Variants in EPM2A observed in about 807,000 individuals in gnomAD.
EPM2A encodes EPM2A glucan phosphatase, laforin, also known as laforin.
A neutral mutation model predicts 26.5 loss-of-function variants in EPM2A; 21 were observed. The ratio of observed to expected loss-of-function variants is 0.79; its 90% CI spans 0.56 to 1.14. The LOEUF (loss-of-function observed/expected upper bound fraction) is 1.14. Ranked by LOEUF, EPM2A falls within the 50% of genes most tolerant of loss-of-function variation. The probability of loss-of-function intolerance (pLI) is 0.00; values close to 1 mark genes in which losing one functional copy is unlikely to be tolerated. For synonymous variants in EPM2A, 217 were observed against 177.6 expected (o/e 1.22, Z -1.76); for missense variants, 458 against 440.8 (o/e 1.04, Z -0.35).
At chr6:145,559,106 A>T (rs978103515) in intron 2 of EPM2A, among the ~76,000 whole-genome samples, 2 of 152,142 alleles carry the variant, frequency 1.3e-5, no homozygotes, top group African/African-American at 4.8e-5. Context: ...TTTAGTAAAA[A>T]GAGATCATCA....
intron 2 of EPM2A, among the ~76,000 whole-genome samples, chr6:145,580,755 A>T (rs74976662): frequency 2.0e-5 from 3 of 152,100 alleles, no homozygotes; most frequent in Non-Finnish European, 4.4e-5. Context: ...CCACTTATAA[A>T]TGAGAACATG....
chr6:145,735,770 G>A, upstream of EPM2A: 6 of 339,032 alleles, frequency 1.8e-5, no homozygotes, highest in Non-Finnish European at 2.6e-5. Flanking sequence ...TGTGGGCGCT[G>A]GGGACACGCG....
intron 2 of EPM2A, among the ~76,000 whole-genome samples, chr6:145,574,020 T>C (rs1780995730): frequency 6.6e-6 from 1 of 152,182 alleles, no homozygotes; most frequent in Non-Finnish European, 1.5e-5. Flanking sequence ...GCTGGAAGTC[T>C]CCTTGGGGAA....
At chr6:145,615,703 G>A (rs1382125528) in intron 2 of EPM2A, among the ~76,000 whole-genome samples, 1 of 152,016 alleles carries the variant, frequency 6.6e-6, no homozygotes, top group Non-Finnish European at 1.5e-5. Context: ...CCAAGCTGAG[G>A]TGGTCTCACA....
intron 4 of EPM2A, among the ~76,000 whole-genome samples, chr6:145,420,964 C>A (rs944379090): frequency 6.6e-6 from 1 of 152,012 alleles, no homozygotes; most frequent in Non-Finnish European, 1.5e-5. Context: ...GAGAGCAGAG[C>A]CTTTGGGACC....
intron 4 of EPM2A, among the ~76,000 whole-genome samples, chr6:145,454,310 C>A (rs143526105): frequency 1.8e-3 from 268 of 152,176 alleles, no homozygotes; most frequent in African/African-American, 5.8e-3. Flanking sequence ...TTCATGAAAT[C>A]AATAAATTTT....
chr6:145,642,231 G>GTTAATGTTGTTTCCAATGCTGAGCAA (rs1777138284), intron 2 of EPM2A, among the ~76,000 whole-genome samples: 1 of 152,096 alleles, frequency 6.6e-6, no homozygotes, highest in African/African-American at 2.4e-5. Context: ...CTATTGGTTT[G>GTTAATGTTGTTTCCAATGCTGAGCAA]TTAATGTTGT....
chr6:145,541,795 T>C (rs1299448496), intron 2 of EPM2A, among the ~76,000 whole-genome samples: 2 of 152,138 alleles, frequency 1.3e-5, no homozygotes, highest in Non-Finnish European at 2.9e-5. Flanking sequence ...TATGAAAAAT[T>C]CTTGTGCACA....
intron 4 of EPM2A, among the ~76,000 whole-genome samples, chr6:145,405,327 C>T (rs6903361): frequency 0.92 from 140,484 of 152,142 alleles, 64,983 homozygotes; most frequent in East Asian, 1. Context: ...AACTAGTCTT[C>T]TTCCTGAACT....
At chr6:145,386,139 G>A (rs1778258723) in intron 4 of EPM2A, among the ~76,000 whole-genome samples, 1 of 151,980 alleles carries the variant, frequency 6.6e-6, no homozygotes, top group Non-Finnish European at 1.5e-5. Flanking sequence ...GTAATCAATA[G>A]TAAACTATAT....
chr6:145,490,008 C>T (rs780122136), intron 4 of EPM2A: 129 of 1,355,232 alleles, frequency 9.5e-5, no homozygotes, highest in Admixed American at 2.2e-4. Context: ...TCTGGATGGA[C>T]GTGTTCCACA....
intron 4 of EPM2A, among the ~76,000 whole-genome samples, chr6:145,396,880 T>G (rs1778412279): frequency 6.6e-6 from 1 of 152,190 alleles, no homozygotes; most frequent in African/African-American, 2.4e-5. Flanking sequence ...TGGGATTCCC[T>G]TTGAACATCA....
At chr6:145,401,156 A>G (rs1778479989) in intron 4 of EPM2A, among the ~76,000 whole-genome samples, 1 of 152,030 alleles carries the variant, frequency 6.6e-6, no homozygotes, top group Non-Finnish European at 1.5e-5. Context: ...AATCAAGCCT[A>G]TGAAAACGGG....
chr6:145,709,312 C>T (rs963393456), intron 1 of EPM2A, among the ~76,000 whole-genome samples: 2 of 152,152 alleles, frequency 1.3e-5, no homozygotes, highest in Admixed American at 6.5e-5. Flanking sequence ...CCACCCAAAT[C>T]TTATCTTGAA....
intron 4 of EPM2A, among the ~76,000 whole-genome samples, chr6:145,421,928 C>T (rs761780143): frequency 2.1e-4 from 31 of 150,052 alleles, no homozygotes; most frequent in Non-Finnish European, 3.0e-4. Context: ...TTTTAAAAAG[C>T]CACATAACCA....
At chr6:145,391,956 G>T (rs1778342265) in intron 4 of EPM2A, among the ~76,000 whole-genome samples, 1 of 152,006 alleles carries the variant, frequency 6.6e-6, no homozygotes, top group African/African-American at 2.4e-5. Context: ...TTAACTCAGT[G>T]GGGTCCTCAA....
chr6:145,730,140 C>T (rs1375599877), intron 1 of EPM2A, among the ~76,000 whole-genome samples: 2 of 152,208 alleles, frequency 1.3e-5, no homozygotes, highest in Non-Finnish European at 2.9e-5. Flanking sequence ...GCTTGTGAAA[C>T]CATGAGCCAA....
chr6:145,691,705 C>A (rs113671754), intron 1 of EPM2A, among the ~76,000 whole-genome samples: 1 of 151,970 alleles, frequency 6.6e-6, no homozygotes, highest in Non-Finnish European at 1.5e-5. Context: ...AAGGTTGATA[C>A]CAGTCAACTA....
Position 145,627,478 on chromosome 6 carries a change from G to C in EPM2A, c.934C>G (p.Arg312Gly), listed in dbSNP as rs766334722. ...AVYIDEEALARAQEDFFQKFG... is the reference protein window; with the variant it reads ...AVYIDEEALAGAQEDFFQKFG... Reference sequence around the variant, plus strand: ...TTCTGGAAAAAATCTTCTTGTGCCCGGGCCAAGGCCTCTTCGTCAATGTAG... The same window carrying C: ...TTCTGGAAAAAATCTTCTTGTGCCCCGGCCAAGGCCTCTTCGTCAATGTAG... The change falls in exon 4 of 4, where the codon CGG becomes GGG. Residue 312 changes from arginine (R) to glycine (G), a missense_variant. By Grantham distance (125) the Arg-to-Gly change is moderately radical (BLOSUM62 -2). Coordinates refer to ENST00000367519, the MANE Select transcript of EPM2A (RefSeq NM_005670.4). 6.2e-7 allele frequency: 1 copy of C among 1,614,094 alleles called. No individual in the cohort carries two copies. The highest frequency in any genetic ancestry group is 1.3e-5 in the African/African-American group (1 of 74,948).
Sources: allele counts gnomAD v4.1 joint callset (sites outside exome capture counted in the v4.1 genomes callset), GRCh38; gene constraint gnomAD v4.1.1; transcripts MANE v1.5; gene names NCBI Gene and HGNC (gene_info 2026-07-23, HGNC 2026-07-21).